Variants in PTPRK observed in about 807,000 individuals in gnomAD.
PTPRK encodes protein tyrosine phosphatase receptor type K.
PTPRK carries 75 observed loss-of-function variants against 178.0 expected under a neutral mutation model. The ratio of observed to expected loss-of-function variants is 0.42; its 90% confidence interval spans 0.35 to 0.51. The LOEUF is 0.51. Among genes scored for constraint, PTPRK ranks in the 20% least tolerant of loss-of-function variants. The pLI is 0.02. For synonymous variants in PTPRK, 637 were observed against 620.6 expected, an observed-to-expected ratio of 1.03 and a Z score of -0.39; for missense variants, 1,441 against 1,797.8, an observed-to-expected ratio of 0.80 and a Z score of 3.59.
At chr6:128,210,653 C>A (rs1402325084) in intron 6 of PTPRK, among the ~76,000 whole-genome samples, 1 of 151,998 alleles carries the variant, frequency 6.6e-6, no homozygotes. Context: ...GAGTGGCAGT[C>A]AGGGGATATT....
At chr6:128,114,004 G>C (rs556439520) in intron 7 of PTPRK, among the ~76,000 whole-genome samples, 2 of 152,094 alleles carry the variant, frequency 1.3e-5, no homozygotes, top group Non-Finnish European at 2.9e-5. Context: ...AGCCTTGATT[G>C]ATAATAAGGC....
At chr6:128,030,317 G>A (rs1448781361) in intron 13 of PTPRK, among the ~76,000 whole-genome samples, 2 of 152,100 alleles carry the variant, frequency 1.3e-5, no homozygotes, top group Non-Finnish European at 2.9e-5. Flanking sequence ...CAGGAAAGCA[G>A]CACAACCTCC....
chr6:128,461,831 T>C (rs1849086353), intron 1 of PTPRK, among the ~76,000 whole-genome samples: 1 of 152,230 alleles, frequency 6.6e-6, no homozygotes, highest in Non-Finnish European at 1.5e-5. Flanking sequence ...ATTTCATACA[T>C]AACTGGAATT....
At chr6:128,320,004 T>C (rs1380029972) in intron 3 of PTPRK, among the ~76,000 whole-genome samples, 1 of 152,210 alleles carries the variant, frequency 6.6e-6, no homozygotes, top group Non-Finnish European at 1.5e-5. Context: ...TAAGAAATTA[T>C]CTATGGCTCA....
intron 12 of PTPRK, 54 bp downstream of exon 12, chr6:128,067,465 T>G (rs1782008442): frequency 1.4e-6 from 2 of 1,448,600 alleles, no homozygotes; most frequent in South Asian, 3.2e-5. Flanking sequence ...TCATAAAATT[T>G]GACTTCAGCT....
intron 5 of PTPRK, among the ~76,000 whole-genome samples, chr6:128,226,829 G>C (rs529080470): frequency 8.0e-6 from 1 of 124,724 alleles, no homozygotes; most frequent in African/African-American, 3.0e-5. Flanking sequence ...TCTCCTACTG[G>C]TTCTGCTTTA....
At chr6:128,066,560 G>A (rs1298275397) in intron 12 of PTPRK, among the ~76,000 whole-genome samples, 1 of 152,032 alleles carries the variant, frequency 6.6e-6, no homozygotes, top group Admixed American at 6.6e-5. Flanking sequence ...ACTCCCAGGT[G>A]CTCACCTTAG....
At chr6:128,038,152 CT>C (rs1254070386) in intron 13 of PTPRK, among the ~76,000 whole-genome samples, 5 of 151,902 alleles carry the variant, frequency 3.3e-5, no homozygotes, top group Non-Finnish European at 7.4e-5. Flanking sequence ...ATTTATCTAA[CT>C]TTTTTTTCTA....
rs1396080022 is a variant in PTPRK at position 128,182,109 on chromosome 6, GAA to G, written c.1162+2321_1162+2322del. On this transcript the variant is annotated intron_variant, in intron 7 of 29. Transcript: ENST00000368226. ...CATGTGATAAAAATTCACTACATGT[GAA>G]AGATAGTTTTAAAAACAAATAAACT... 9.9e-5 allele frequency among the ~76,000 whole-genome samples: 15 copies of G among 152,168 alleles called. No individual in the cohort carries two copies. In the South Asian group the frequency reaches 1.0e-3, roughly 11 times the overall value.
intron 13 of PTPRK, among the ~76,000 whole-genome samples, chr6:128,021,517 T>A (rs1773507817): frequency 1.3e-5 from 2 of 152,020 alleles, no homozygotes; most frequent in Admixed American, 1.3e-4. Flanking sequence ...GCGCCTGTAG[T>A]CCCAGCTACT....
chr6:128,240,087 A>G lies in PTPRK; in HGVS notation c.641T>C (p.Phe214Ser). ...VEVNAGQNATFQCIATGRDAV... is the reference protein window; with the variant it reads ...VEVNAGQNATSQCIATGRDAV... ...ATCTCTCCCTGTGGCAATGCACTGA[A>G]ATGTAGCGTTTTGCCCTGCATTCAC... The change falls in exon 5 of 30, where the codon TTT becomes TCT. Residue 214 changes from phenylalanine (F) to serine (S), a missense_variant. This residue lies in a region of PTPRK where 945 missense variants were observed against 1,080.6 expected (regional missense o/e 0.87). Transcript: ENST00000368226. The G allele has an allele frequency of 6.2e-7, 1 of 1,614,142 alleles. No individual in the cohort carries two copies. The highest frequency in any genetic ancestry group is 8.5e-7 in the Non-Finnish European group (1 of 1,179,990).
chr6:128,310,171 T>C (rs1827026386), intron 3 of PTPRK, among the ~76,000 whole-genome samples: 1 of 152,204 alleles, frequency 6.6e-6, no homozygotes, highest in Non-Finnish European at 1.5e-5. Context: ...CTTCTTTCTC[T>C]CTGATTTCTG....
intron 3 of PTPRK, among the ~76,000 whole-genome samples, chr6:128,291,745 T>C (rs955600503): frequency 5.9e-5 from 9 of 152,270 alleles, no homozygotes; most frequent in African/African-American, 1.9e-4. Flanking sequence ...TGCAAACTTA[T>C]GTTGTGTTTG....
At chr6:128,493,957 T>C (rs989887870) in intron 1 of PTPRK, among the ~76,000 whole-genome samples, 1 of 152,206 alleles carries the variant, frequency 6.6e-6, no homozygotes, top group Non-Finnish European at 1.5e-5. Context: ...CTGAAGCTCC[T>C]AGAGGGCAAA....
At chr6:128,093,619 A>AAAC in intron 7 of PTPRK, among the ~76,000 whole-genome samples, 1 of 147,964 alleles carries the variant, frequency 6.8e-6, no homozygotes, top group African/African-American at 2.5e-5. Context: ...AAAAAAAAAA[A>AAAC]AAAACGAAAA....
At chr6:128,011,961 T>C (rs1779108137) in intron 13 of PTPRK, among the ~76,000 whole-genome samples, 1 of 150,902 alleles carries the variant, frequency 6.6e-6, no homozygotes, top group Non-Finnish European at 1.5e-5. Flanking sequence ...AAGTGGTTAA[T>C]AAAGAAAAAA....
chr6:128,269,292 G>A (rs992585605), intron 3 of PTPRK, among the ~76,000 whole-genome samples: 2 of 151,834 alleles, frequency 1.3e-5, no homozygotes, highest in African/African-American at 4.8e-5. Flanking sequence ...AATATGTCAG[G>A]CACTGCTGCA....
intron 1 of PTPRK, among the ~76,000 whole-genome samples, chr6:128,495,795 G>T (rs1854571498): frequency 6.6e-6 from 1 of 152,054 alleles, no homozygotes. Context: ...TGAAGCTTTG[G>T]CCACTCTCAC....
intron 2 of PTPRK, among the ~76,000 whole-genome samples, chr6:128,377,359 A>G (rs1837249286): frequency 6.6e-6 from 1 of 152,088 alleles, no homozygotes; most frequent in Non-Finnish European, 1.5e-5. Context: ...TCTCTTTTTT[A>G]AAACCATCAG....
Sources: allele counts gnomAD v4.1 joint callset (sites outside exome capture counted in the v4.1 genomes callset), GRCh38; gene constraint gnomAD v4.1.1; regional missense constraint gnomAD v4.1.1; transcripts MANE v1.5; gene names NCBI Gene and HGNC (gene_info 2026-07-23, HGNC 2026-07-21).